Variants in RGS7 observed in about 807,000 individuals in gnomAD.
RGS7 encodes the protein regulator of G-protein signaling 7.
In RGS7, 27 loss-of-function variants were observed where a neutral mutation model predicts 81.1. That is an observed-to-expected ratio of 0.33 (90% CI 0.25 to 0.46). RGS7 has a LOEUF of 0.46. Ranked by LOEUF, RGS7 falls within the 20% of genes least tolerant of loss-of-function variation. RGS7 has a pLI of 1.00. For missense variants in RGS7, 396 were observed against 607.4 expected (o/e 0.65, Z 3.66); for synonymous variants, 208 against 207.7 (o/e 1.00, Z -0.01).
At chr1:240,974,814 A>G (rs1280112740) in intron 4 of RGS7, among the ~76,000 whole-genome samples, 1 of 152,184 alleles carries the variant, frequency 6.6e-6, no homozygotes, top group African/African-American at 2.4e-5. Context: ...AATTTGGCCT[A>G]CATAAAAATA....
chr1:241,156,962 T>C (rs189059870), intron 2 of RGS7, among the ~76,000 whole-genome samples: 121 of 152,302 alleles, frequency 7.9e-4, no homozygotes, highest in African/African-American at 2.8e-3. Context: ...GCATCCTATA[T>C]TCCAAACTCT....
chr1:240,914,811 T>C (rs972407487), intron 6 of RGS7, among the ~76,000 whole-genome samples: 1 of 151,390 alleles, frequency 6.6e-6, no homozygotes, highest in African/African-American at 2.4e-5. Context: ...CCTCAGAGGA[T>C]TGATGTCAGA....
In RGS7 at chr1:240,939,570, C is replaced by T. The variant is rs76168646; in HGVS notation, c.227-2864G>A. On this transcript the variant is annotated intron_variant, in intron 4 of 18. Transcript: ENST00000440928. Reference sequence around the variant, plus strand: ...CTGAATCCCTAAGTACCCCTGTGGACGAGTGAAGAATATGCCATCCCAAAA... The same window carrying T: ...CTGAATCCCTAAGTACCCCTGTGGATGAGTGAAGAATATGCCATCCCAAAA... Among the ~76,000 whole-genome samples, 158 of 152,150 alleles carry T rather than the reference C, an allele frequency of 1.0e-3. 1 individual carries two copies. Among genetic ancestry groups the T allele is most frequent in the South Asian group, 3.1e-3 (15 of 4,820 alleles).
chr1:241,027,047 A>G (rs1402579708), intron 3 of RGS7, among the ~76,000 whole-genome samples: 1 of 151,370 alleles, frequency 6.6e-6, no homozygotes, highest in East Asian at 1.9e-4. Context: ...AAAAAAAAAA[A>G]AAAAAATTAG....
chr1:240,824,138 T>C (rs568725875), intron 10 of RGS7, among the ~76,000 whole-genome samples: 1 of 152,340 alleles, frequency 6.6e-6, no homozygotes, highest in East Asian at 1.9e-4. Flanking sequence ...TCGCTTCCTA[T>C]ATTTGATAAA....
intron 2 of RGS7, among the ~76,000 whole-genome samples, chr1:241,220,961 GGA>G (rs1558202684): frequency 8.8e-5 from 4 of 45,640 alleles, no homozygotes; most frequent in Non-Finnish European, 2.1e-4. Flanking sequence ...AAGGAAGGAA[GGA>G]AGGAAGGAAG....
intron 2 of RGS7, among the ~76,000 whole-genome samples, chr1:241,174,895 G>GTTTTTTTTTTTTTTTTT (rs551122102): frequency 7.2e-5 from 5 of 69,230 alleles, no homozygotes; most frequent in African/African-American, 1.8e-4. Context: ...ACAGAATTTT[G>GTTTTTTTTTTTTTTTTT]TTTTTTTTTT....
intron 2 of RGS7, among the ~76,000 whole-genome samples, chr1:241,327,032 A>AGGGAGGGAGGG (rs1558320484): frequency 1.1e-3 from 3 of 2,656 alleles, no homozygotes; most frequent in Non-Finnish European, 1.9e-3. Flanking sequence ...GGAAGGAAGG[A>AGGGAGGGAGGG]AGGAAGGGAG....
At chr1:240,826,374 C>T (rs1476906724) in intron 10 of RGS7, among the ~76,000 whole-genome samples, 4 of 152,116 alleles carry the variant, frequency 2.6e-5, no homozygotes, top group African/African-American at 9.7e-5. Flanking sequence ...TGAGTGCTTA[C>T]TACAGGGACA....
chr1:240,944,554 T>C (rs1274141749), intron 4 of RGS7, among the ~76,000 whole-genome samples: 3 of 151,906 alleles, frequency 2.0e-5, no homozygotes, highest in Non-Finnish European at 2.9e-5. Context: ...AACTTTTTAG[T>C]AGGCAGAGGA....
chr1:240,926,950 T>C (rs1449845090), intron 6 of RGS7, among the ~76,000 whole-genome samples: 2 of 152,236 alleles, frequency 1.3e-5, no homozygotes, highest in Non-Finnish European at 2.9e-5. Flanking sequence ...TAGTTTTTCA[T>C]ATCAACTGAT....
chr1:240,784,042 C>A (rs982651089), intron 18 of RGS7, among the ~76,000 whole-genome samples: 122 of 140,322 alleles, frequency 8.7e-4, no homozygotes, highest in African/African-American at 3.3e-3. Flanking sequence ...AAAAAAATAG[C>A]CGAGTATCGT....
At chr1:241,147,720 A>T (rs527381225) in intron 2 of RGS7, among the ~76,000 whole-genome samples, 34 of 138,470 alleles carry the variant, frequency 2.5e-4, no homozygotes, top group Non-Finnish European at 4.9e-4. Context: ...ACAAGGTAAC[A>T]GAATTTTGAT....
intron 9 of RGS7, among the ~76,000 whole-genome samples, chr1:240,849,639 C>T (rs1558349506): frequency 6.6e-6 from 1 of 152,084 alleles, no homozygotes; most frequent in Non-Finnish European, 1.5e-5. Flanking sequence ...TGAGTAAGTT[C>T]CCGAGAGATC....
At chr1:241,086,878 G>A (rs561867485) in intron 3 of RGS7, among the ~76,000 whole-genome samples, 101 of 152,178 alleles carry the variant, frequency 6.6e-4, no homozygotes, top group African/African-American at 2.3e-3. Flanking sequence ...TTGCACAGGC[G>A]CTCCTCTTTT....
intron 18 of RGS7, among the ~76,000 whole-genome samples, chr1:240,776,803 A>G (rs1202957574): frequency 6.6e-6 from 1 of 152,230 alleles, no homozygotes; most frequent in Non-Finnish European, 1.5e-5. Flanking sequence ...ATCTGAAGAT[A>G]AAAGTCTACT....
intron 2 of RGS7, among the ~76,000 whole-genome samples, chr1:241,227,178 G>A (rs1366436121): frequency 1.3e-5 from 2 of 152,168 alleles, no homozygotes; most frequent in East Asian, 1.9e-4. Flanking sequence ...ACACCCACGT[G>A]CACACGTGCA....
intron 3 of RGS7, among the ~76,000 whole-genome samples, chr1:241,027,137 A>C (rs1284323031): frequency 2.0e-5 from 3 of 151,818 alleles, no homozygotes; most frequent in African/African-American, 7.3e-5. Flanking sequence ...CAGAAGTTCC[A>C]GTCTGCAGTT....
rs540958968 is a variant in RGS7 at position 241,321,161 on chromosome 1, G to A, written c.78+34538C>T. 1.6e-3 allele frequency among the ~76,000 whole-genome samples: 244 copies of A among 152,298 alleles called. 11 individuals carry two copies. In the South Asian group the frequency reaches 0.049, roughly 31 times the overall value. On this transcript the variant is annotated intron_variant, in intron 2 of 18. Coordinates refer to ENST00000440928, the MANE Select transcript of RGS7 (RefSeq NM_001364886.1). ...ATTCAGTTTGTAGCTGGGGTGGGGC[G>A]AGTAGGTAGTATAAATTTCTTCTTA...
Sources: allele counts gnomAD v4.1 joint callset (sites outside exome capture counted in the v4.1 genomes callset), GRCh38; gene constraint gnomAD v4.1.1; transcripts MANE v1.5; gene names NCBI Gene and HGNC (gene_info 2026-07-23, HGNC 2026-07-21).